The following MGST2 variants were observed in gnomAD, a reference collection of about 807,000 sequenced individuals.
The protein encoded by MGST2 is microsomal glutathione S-transferase 2, also known as glutathione peroxidase MGST2.
MGST2 carries 9 observed loss-of-function variants against 16.6 expected under a neutral mutation model. The observed-to-expected ratio is 0.54, with a 90% CI of 0.33 to 0.95. The LOEUF is 0.95. Ranked by LOEUF, MGST2 falls within the 40% of genes least tolerant of loss-of-function variation. The pLI is 0.03. For synonymous variants in MGST2, 79 were observed against 68.0 expected, an observed-to-expected ratio of 1.16 and a Z score of -0.79; for missense variants, 159 against 175.1, an observed-to-expected ratio of 0.91 and a Z score of 0.52.
intron 5 of MGST2, chr4:139,730,846 A>G (rs1039198315): frequency 1.8e-5 from 11 of 613,344 alleles, no homozygotes; most frequent in Middle Eastern, 4.3e-4. Flanking sequence ...TTACCTGAGT[A>G]GAATGAGAGA....
At chr4:139,748,712 T>C in the MGST2 span, among the ~76,000 whole-genome samples, 1,568 of 152,082 alleles carry the variant, frequency 0.01, 9 homozygotes, top group Admixed American at 0.014. Context: ...TAAAATTTCT[T>C]TTTTTCTTTC....
downstream of MGST2, among the ~76,000 whole-genome samples, chr4:139,742,357 C>G (rs886903304): frequency 3.9e-5 from 6 of 152,140 alleles, no homozygotes; most frequent in African/African-American, 1.2e-4. Context: ...CCGTGTTGGC[C>G]AGGCTGGTCT....
chr4:139,739,433 G>A (rs1469930985), intron 5 of MGST2, among the ~76,000 whole-genome samples: 3 of 152,122 alleles, frequency 2.0e-5, no homozygotes, highest in South Asian at 2.1e-4. Context: ...TATGCTTTTC[G>A]TCTGCCTTTG....
intron 1 of MGST2, 104 bp downstream of exon 1, chr4:139,666,181 T>G (rs1730341039): frequency 1.6e-6 from 2 of 1,236,898 alleles, no homozygotes; most frequent in Middle Eastern, 2.6e-4. Flanking sequence ...GGGTCCGGTG[T>G]TTTGTTTCCT....
At chr4:139,714,313 G>A (rs769242950) in intron 5 of MGST2, among the ~76,000 whole-genome samples, 63 of 152,128 alleles carry the variant, frequency 4.1e-4, no homozygotes, top group Non-Finnish European at 8.7e-4. Context: ...ACTTTACAGA[G>A]GACATAAACA....
At chr4:139,681,056 G>C (rs1015804296) in intron 2 of MGST2, among the ~76,000 whole-genome samples, 5 of 151,948 alleles carry the variant, frequency 3.3e-5, no homozygotes, top group Non-Finnish European at 7.4e-5. Context: ...TCTCAGTGTT[G>C]CCTTGGCTGA....
At chr4:139,702,799 C>T (rs13130858) in intron 3 of MGST2, among the ~76,000 whole-genome samples, 87,149 of 144,174 alleles carry the variant, frequency 0.6, 28,528 homozygotes, top group Non-Finnish European at 0.73. Context: ...ATGATGTGTG[C>T]GGATTCCAGT....
At chr4:139,719,341 T>C (rs1369880508) in intron 5 of MGST2, 1 of 1,594,358 alleles carries the variant, frequency 6.3e-7, no homozygotes, top group Non-Finnish European at 8.6e-7. Flanking sequence ...TACCAAACAA[T>C]TCATCAAGCT....
At chr4:139,742,955 C>T (rs892528555), downstream of MGST2, among the ~76,000 whole-genome samples, 3 of 152,186 alleles carry the variant, frequency 2.0e-5, no homozygotes, top group Non-Finnish European at 4.4e-5. Context: ...GCACCAGTTT[C>T]CTAATTTCTT....
chr4:139,694,754 C>T (rs1726820952), intron 2 of MGST2, among the ~76,000 whole-genome samples: 1 of 152,128 alleles, frequency 6.6e-6, no homozygotes, highest in African/African-American at 2.4e-5. Context: ...GAAATATGCT[C>T]ACTGATTTAC....
chr4:139,683,717 G>A (rs1037754678), intron 2 of MGST2, among the ~76,000 whole-genome samples: 3 of 151,902 alleles, frequency 2.0e-5, no homozygotes, highest in East Asian at 1.9e-4. Flanking sequence ...GTATTAGTCC[G>A]TTTTCACACT....
At chr4:139,684,547 C>T (rs373697689) in intron 2 of MGST2, among the ~76,000 whole-genome samples, 8 of 152,250 alleles carry the variant, frequency 5.3e-5, no homozygotes, top group South Asian at 2.1e-4. Context: ...TAGAGAGTGA[C>T]GTGGAAGCTC....
At chr4:139,732,183 A>C (rs559863717) in intron 5 of MGST2, among the ~76,000 whole-genome samples, 12 of 152,274 alleles carry the variant, frequency 7.9e-5, no homozygotes, top group Admixed American at 7.8e-4. Flanking sequence ...TCTTCTTTTT[A>C]CTTTATTGCC....
chr4:139,703,165 A>T (rs1446341584), intron 3 of MGST2, among the ~76,000 whole-genome samples: 3 of 151,352 alleles, frequency 2.0e-5, no homozygotes, highest in Non-Finnish European at 2.9e-5. Flanking sequence ...ACCTCAAGTG[A>T]TTCACCCCCC....
chr4:139,678,748 A>C lies in MGST2; in HGVS notation c.158+106A>C. On this transcript the variant is annotated intron_variant, in intron 2 of 4. Transcript: ENST00000265498. ...AGAAGACCCTAAGTTCATGTGCAATATCTAGTTATAACAAGTCACTCTTCA... is the reference window on the plus strand; with the variant it reads ...AGAAGACCCTAAGTTCATGTGCAATCTCTAGTTATAACAAGTCACTCTTCA... 3 of 875,802 alleles carry C rather than the reference A, an allele frequency of 3.4e-6. No individual in the cohort carries two copies. In the Admixed American group the frequency reaches 5.8e-5, roughly 17 times the overall value. 54.3% of individuals were successfully genotyped at this position (875,802 alleles called of 1,614,324 possible). A position where few individuals can be genotyped will look rare whatever the true frequency, so the allele number is the denominator to read the frequency against.
chr4:139,730,705 C>T (rs1033299585), intron 5 of MGST2: 10 of 1,560,050 alleles, frequency 6.4e-6, no homozygotes, highest in Non-Finnish European at 8.8e-6. Flanking sequence ...AGGGATTCCC[C>T]ATAGAGACTC....
chr4:139,718,390 G>C (rs1183085726), intron 5 of MGST2: 2 of 152,348 alleles, frequency 1.3e-5, no homozygotes, highest in Non-Finnish European at 2.9e-5. Flanking sequence ...AGAAGCAAGG[G>C]GAGGCTGGTG....
chr4:139,748,049 C>G, the MGST2 span, among the ~76,000 whole-genome samples: 1 of 69,048 alleles, frequency 1.4e-5, no homozygotes, highest in African/African-American at 5.5e-5. Flanking sequence ...AGCAAGACTT[C>G]GTCTAAAAAA....
chr4:139,713,778 A>C (rs370188612), intron 5 of MGST2, among the ~76,000 whole-genome samples: 1 of 152,332 alleles, frequency 6.6e-6, no homozygotes, highest in South Asian at 2.1e-4. Context: ...AAGACAGTCC[A>C]TGGAGAAGAA....
Sources: allele counts gnomAD v4.1 joint callset (sites outside exome capture counted in the v4.1 genomes callset), GRCh38; gene constraint gnomAD v4.1.1; transcripts MANE v1.5; gene names NCBI Gene and HGNC (gene_info 2026-07-23, HGNC 2026-07-21).